Variants in CLMN observed in about 807,000 individuals in gnomAD.
CLMN encodes the protein calmin.
In CLMN, 57 loss-of-function variants were observed where a neutral mutation model predicts 92.7. The ratio of observed to expected loss-of-function variants is 0.61; its 90% CI spans 0.50 to 0.77. The LOEUF is 0.77. Among genes scored for constraint, CLMN ranks in the 30% least tolerant of loss-of-function variants. The probability of loss-of-function intolerance (pLI) is 0.00; values close to 1 mark genes in which losing one functional copy is unlikely to be tolerated. For synonymous variants in CLMN, 466 were observed against 470.6 expected, an observed-to-expected ratio of 0.99 and a Z score of 0.13; for missense variants, 1,158 against 1,237.5, an observed-to-expected ratio of 0.94 and a Z score of 0.96.
At chr14:95,289,055 G>C (rs973752004) in intron 1 of CLMN, among the ~76,000 whole-genome samples, 9 of 152,216 alleles carry the variant, frequency 5.9e-5, no homozygotes, top group Admixed American at 5.2e-4. Context: ...TCACTGGGAG[G>C]GGCACAGAGA....
At chr14:95,204,524 G>T (rs1896992429) in intron 8 of CLMN, 61 bp from the exon 9 acceptor site, 2 of 1,403,956 alleles carry the variant, frequency 1.4e-6, no homozygotes, top group African/African-American at 1.5e-5. Flanking sequence ...ACAAAAAAAA[G>T]CACAGAGCAA....
At chr14:95,258,847 C>T in intron 1 of CLMN, among the ~76,000 whole-genome samples, 1 of 123,254 alleles carries the variant, frequency 8.1e-6, no homozygotes, top group Non-Finnish European at 1.7e-5. Flanking sequence ...GTGTATGTAT[C>T]TGTGGTGTGT....
intron 8 of CLMN, among the ~76,000 whole-genome samples, chr14:95,209,178 C>T (rs191347013): frequency 7.9e-5 from 12 of 152,240 alleles, no homozygotes; most frequent in Admixed American, 5.9e-4. Flanking sequence ...TTTCAAGCAT[C>T]GACTGGGGGT....
intron 6 of CLMN, among the ~76,000 whole-genome samples, chr14:95,211,850 A>G (rs1317555358): frequency 6.6e-6 from 1 of 152,176 alleles, no homozygotes. Flanking sequence ...ATCAAGCTAT[A>G]GACTGCATTT....
rs1898435055 is a variant in CLMN at position 95,245,193 on chromosome 14, TAATATATATATATATTATA to T, written c.83-15079_83-15061del. Among the ~76,000 whole-genome samples, 2 of 38,968 alleles carry T rather than the reference TAATATATATATATATTATA, an allele frequency of 5.1e-5. 1 individual carries two copies. Among genetic ancestry groups the T allele is most frequent in the African/African-American group, 2.2e-4 (2 of 8,992 alleles). The allele number at this position is 38,968 out of a possible 152,430, so 25.6% of individuals were successfully genotyped here. A position where few individuals can be genotyped will look rare whatever the true frequency, so the allele number is the denominator to read the frequency against. Reference sequence around the variant, plus strand: ...GTTATATTATATATATATATATATATAATATATATATATATTATATATATATATATATTATATATATATA... The same window carrying T: ...GTTATATTATATATATATATATATATTATATATATATATTATATATATATA... On this transcript the variant is annotated intron_variant, in intron 1 of 12. Transcript: ENST00000298912.
chr14:95,279,145 T>A (rs1427188636), intron 1 of CLMN, among the ~76,000 whole-genome samples: 1 of 152,222 alleles, frequency 6.6e-6, no homozygotes, highest in Non-Finnish European at 1.5e-5. Context: ...AAATCAAATA[T>A]TTTGTCAGAA....
rs1896471097 is a variant in CLMN, at chr14:95,187,642, A to G, written c.*3922T>C. The G allele has an allele frequency of 6.6e-6, 1 of 152,394 alleles. No individual in the cohort carries two copies. The highest frequency in any genetic ancestry group is 3.2e-3 in the Middle Eastern group (1 of 316). 9.4% of individuals were successfully genotyped at this position (152,394 alleles called of 1,614,324 possible). A position where few individuals can be genotyped will look rare whatever the true frequency, so the allele number is the denominator to read the frequency against. On this transcript the variant is annotated 3_prime_UTR_variant, in exon 13 of 13. Transcript: ENST00000298912. Reference sequence around the variant, plus strand: ...GCTCCAACTCAGGGACACCAGGCACAGCAAAGGTTGAAGCAACTTAATGAA... The same window carrying G: ...GCTCCAACTCAGGGACACCAGGCACGGCAAAGGTTGAAGCAACTTAATGAA...
At position 95,187,315 on chromosome 14, in the gene CLMN, A is replaced by G. The variant is rs1484257833; in HGVS notation, c.*4249T>C. 6.6e-6 allele frequency: 1 copy of G among 152,298 alleles called. No individual in the cohort carries two copies. Among genetic ancestry groups the G allele is most frequent in the African/African-American group, 2.4e-5 (1 of 41,466 alleles). 9.4% of individuals were successfully genotyped at this position (152,298 alleles called of 1,614,324 possible). On this transcript the variant is annotated 3_prime_UTR_variant, in exon 13 of 13. Coordinates refer to ENST00000298912, the MANE Select transcript of CLMN (RefSeq NM_024734.4). ...GAATGAAAGTTATATTAATACAACC[A>G]TGAACACAGAATACAGAAGAGAACA...
Position 95,294,171 on chromosome 14 carries a change from T to C in CLMN, c.82+25540A>G, listed in dbSNP as rs1900716661. ...AGAATGGGTGGGGGAGTGGGCTGGATTCACTTATATTTCCAGAAATATTTG... is the reference window on the plus strand; with the variant it reads ...AGAATGGGTGGGGGAGTGGGCTGGACTCACTTATATTTCCAGAAATATTTG... On this transcript the variant is annotated intron_variant, in intron 1 of 12. Coordinates refer to ENST00000298912, the MANE Select transcript of CLMN (RefSeq NM_024734.4). This position sits in a 1 kb window ranked among gnomAD's most constrained non-coding sequence, Gnocchi z 4.2. Among the ~76,000 whole-genome samples the C allele has an allele frequency of 6.6e-6, 1 of 152,170 alleles. No individual in the cohort carries two copies. Among genetic ancestry groups the C allele is most frequent in the African/African-American group, 2.4e-5 (1 of 41,438 alleles).
intron 1 of CLMN, among the ~76,000 whole-genome samples, chr14:95,239,525 GT>G (rs1335732090): frequency 6.6e-6 from 1 of 152,202 alleles, no homozygotes; most frequent in African/African-American, 2.4e-5. Flanking sequence ...TAATCCCAAT[GT>G]TTTTGTGAAA....
chr14:95,210,249 A>T (rs545180758), intron 7 of CLMN, among the ~76,000 whole-genome samples: 2 of 152,182 alleles, frequency 1.3e-5, no homozygotes, highest in South Asian at 4.2e-4. Context: ...ATGGGGTTTC[A>T]CCATGTTGGC....
intron 1 of CLMN, among the ~76,000 whole-genome samples, chr14:95,258,224 G>A (rs1244757794): frequency 6.6e-6 from 1 of 151,406 alleles, no homozygotes; most frequent in African/African-American, 2.4e-5. Context: ...TGTGTGGTGT[G>A]CATGGTGTGT....
At chr14:95,249,973 T>C (rs1055803306) in intron 1 of CLMN, among the ~76,000 whole-genome samples, 1 of 152,172 alleles carries the variant, frequency 6.6e-6, no homozygotes, top group African/African-American at 2.4e-5. Context: ...GAGTAGGGGT[T>C]CCAGGAATGC....
Position 95,213,199 on chromosome 14 carries a change from G to A in CLMN, c.608+20C>T. The A allele has an allele frequency of 6.2e-7, 1 of 1,611,258 alleles. No homozygotes were observed. Among genetic ancestry groups the A allele is most frequent in the Non-Finnish European group, 8.5e-7 (1 of 1,178,734 alleles). On this transcript the variant is annotated intron_variant, in intron 6 of 12. Coordinates refer to ENST00000298912, the MANE Select transcript of CLMN (RefSeq NM_024734.4). ...CAGCTAGTTAAATGAAGTAGTGTGGGGAGAGGGGCTGCGGCTTACTTTCTC... is the reference window on the plus strand; with the variant it reads ...CAGCTAGTTAAATGAAGTAGTGTGGAGAGAGGGGCTGCGGCTTACTTTCTC...
rs1470399491 is a variant in CLMN, at chr14:95,209,410, A to G, written c.870T>C (p.Phe290=). The part of the protein sequence containing the change: ...MTYVAQFLER[F]PELEAEDIFD... ...GCAAACATACGGCTTCCAACTCCGGAAAACGTTCTAGAAACTGTGCCACGT... is the reference window on the plus strand; with the variant it reads ...GCAAACATACGGCTTCCAACTCCGGGAAACGTTCTAGAAACTGTGCCACGT... The change falls in exon 8 of 13, where the codon TTT becomes TTC. Residue 290 remains phenylalanine, a synonymous_variant. Coordinates refer to ENST00000298912, the MANE Select transcript of CLMN (RefSeq NM_024734.4). 3.1e-6 allele frequency: 5 copies of G among 1,614,120 alleles called. No individual in the cohort carries two copies. The South Asian group carries it at 3.3e-5, about 11-fold the overall frequency.
intron 9 of CLMN, among the ~76,000 whole-genome samples, chr14:95,201,829 G>A (rs1019206883): frequency 2.6e-5 from 4 of 151,920 alleles, no homozygotes; most frequent in African/African-American, 9.7e-5. Context: ...GACAAGCGGT[G>A]TTTGGTTTTC....
chr14:95,242,597 G>A (rs775811948), intron 1 of CLMN, among the ~76,000 whole-genome samples: 17 of 108,184 alleles, frequency 1.6e-4, no homozygotes, highest in Non-Finnish European at 2.1e-4. Flanking sequence ...ACGGAGTCTC[G>A]CTCTGTCGCC....
At chr14:95,289,044 A>G (rs532536105) in intron 1 of CLMN, among the ~76,000 whole-genome samples, 1 of 152,332 alleles carries the variant, frequency 6.6e-6, no homozygotes, top group Non-Finnish European at 1.5e-5. Flanking sequence ...GGAGGTAGGT[A>G]TCACTGGGAG....
chr14:95,211,026 G>A, intron 6 of CLMN, 147 bp from the exon 7 acceptor site: 1 of 710,968 alleles, frequency 1.4e-6, no homozygotes, highest in Non-Finnish European at 2.2e-6. Flanking sequence ...CCCTGAGCAT[G>A]GGAGAGCTGC....
Sources: gnomAD v4.1 joint callset for allele counts (sites outside exome capture counted in the v4.1 genomes callset) on GRCh38, gnomAD v4.1.1 for gene constraint, Gnocchi (gnomAD v3.1) non-coding constraint, MANE v1.5 for transcripts, NCBI Gene and HGNC (gene_info 2026-07-23, HGNC 2026-07-21) for gene names.